Variants in HOOK2 observed in about 807,000 individuals in gnomAD.
The protein encoded by HOOK2 is protein Hook homolog 2.
Under a neutral mutation model 111.9 loss-of-function variants are expected in HOOK2, and 108 were observed. The ratio of observed to expected loss-of-function variants is 0.96; its 90% CI spans 0.83 to 1.13. The LOEUF (loss-of-function observed/expected upper bound fraction) is 1.13. Among genes scored for constraint, HOOK2 ranks in the 50% most tolerant of loss-of-function variants. HOOK2 has a pLI of 0.00. For missense variants in HOOK2, 978 were observed against 951.3 expected (o/e 1.03, Z -0.37); for synonymous variants, 405 against 394.3 (o/e 1.03, Z -0.32).
At chr19:12,789,864 G>A (rs2145802998) in intron 3 of HOOK2, among the ~76,000 whole-genome samples, 1 of 152,124 alleles carries the variant, frequency 6.6e-6, no homozygotes, top group African/African-American at 2.4e-5. Context: ...GGGCCCAGGC[G>A]CGCCCTGGGA....
intron 3 of HOOK2, among the ~76,000 whole-genome samples, chr19:12,787,641 A>T (rs1166811302): frequency 6.6e-6 from 1 of 151,844 alleles, no homozygotes; most frequent in Non-Finnish European, 1.5e-5. Context: ...CAAAAAAACA[A>T]AACAAAACAA....
chr19:12,764,625 G>A lies in HOOK2; in HGVS notation c.1827+189C>T, dbSNP rs981050977. The A allele has an allele frequency of 2.9e-5, 18 of 618,268 alleles. No individual in the cohort carries two copies. The East Asian group carries it at 5.0e-4, about 17-fold the overall frequency. 38.3% of individuals were successfully genotyped at this position (618,268 alleles called of 1,614,324 possible). ...TTACAGCCATGAGCCACGGCACCCAGCCAGCTGTGCAGTATTTTAATGTGA... is the reference window on the plus strand; with the variant it reads ...TTACAGCCATGAGCCACGGCACCCAACCAGCTGTGCAGTATTTTAATGTGA... On this transcript the variant is annotated intron_variant, in intron 20 of 22. Coordinates refer to ENST00000397668, the MANE Select transcript of HOOK2 (RefSeq NM_013312.3).
rs1015077691 is a variant in HOOK2 at position 12,786,069 on chromosome 19, G to C, written n.42-11844C>G. Among the ~76,000 whole-genome samples the C allele has an allele frequency of 6.6e-6, 1 of 152,168 alleles. No individual in the cohort carries two copies. The highest frequency in any genetic ancestry group is 2.4e-5 in the African/African-American group (1 of 41,442). ...CAGCCTGGAGAGAGAGAAAGAGAGA[G>C]ACTCTCCTTCCTGCTTCCAAGAAAA... is the stretch of plus-strand genomic sequence containing the variant. On this transcript the variant is annotated intron_variant and non_coding_transcript_variant, in intron 3 of 3. Transcript: ENST00000589765. This position sits in a 1 kb window ranked among gnomAD's most constrained non-coding sequence, Gnocchi z 4.3.
At chr19:12,787,656 T>TA (rs1249029300) in intron 3 of HOOK2, among the ~76,000 whole-genome samples, 10 of 146,190 alleles carry the variant, frequency 6.8e-5, no homozygotes, top group African/African-American at 1.5e-4. Context: ...AAACAAACAA[T>TA]AAAAAAAAAC....
intron 3 of HOOK2, chr19:12,792,308 T>A: frequency 6.6e-7 from 1 of 1,504,768 alleles, no homozygotes; most frequent in Non-Finnish European, 8.9e-7. Context: ...CGGAGCCACC[T>A]CCCGTTTACA....
In HOOK2 at chr19:12,791,474, G is replaced by T. The variant is rs1361903835; in HGVS notation, n.42-17249C>A. 1 of 344,114 alleles carries T rather than the reference G, an allele frequency of 2.9e-6. No individual in the cohort carries two copies. Among genetic ancestry groups the T allele is most frequent in the Non-Finnish European group, 5.3e-6 (1 of 188,780 alleles). 21.3% of individuals were successfully genotyped at this position (344,114 alleles called of 1,614,324 possible). ...GCGCGGTATAAAGGCGTGTGGCTCAGGCTGAGCGGCTGGGACCTTGAGAGC... is the reference window on the plus strand; with the variant it reads ...GCGCGGTATAAAGGCGTGTGGCTCATGCTGAGCGGCTGGGACCTTGAGAGC... On this transcript the variant is annotated intron_variant and non_coding_transcript_variant, in intron 3 of 3. Coordinates refer to the HOOK2 transcript ENST00000589765. The surrounding 1 kb of genome is among the most constrained non-coding windows in gnomAD (Gnocchi z 7.0).
intron 5 of HOOK2, 42 bp downstream of exon 5, chr19:12,772,738 T>C: frequency 6.2e-7 from 1 of 1,613,406 alleles, no homozygotes. Flanking sequence ...GGAAGGAGGA[T>C]TTCCTCAGGC....
rs781132284 is a variant in HOOK2, at chr19:12,767,403, C to T, written c.1365G>A (p.Ala455=). 3.7e-6 allele frequency: 6 copies of T among 1,613,944 alleles called. No homozygotes were observed. The highest frequency in any genetic ancestry group is 3.3e-5 in the South Asian group (3 of 91,082). The change falls in exon 14 of 23, where the codon GCG becomes GCA. Residue 455 remains alanine, a synonymous_variant. Transcript: ENST00000397668. ...VDNLAAEILP[A]ELRETLLRLQ... is the part of the protein sequence containing the mutation. The stretch of plus-strand genomic sequence containing the variant: ...GAGTGACCCCAGGATACCTGAGCTC[C>T]GCAGGCAGGATCTCTGCGGCTAAGT...
At chr19:12,777,045 T>A (rs1198526639), upstream of HOOK2, among the ~76,000 whole-genome samples, 1 of 150,522 alleles carries the variant, frequency 6.6e-6, no homozygotes, top group Non-Finnish European at 1.5e-5. Flanking sequence ...TAGTCCCAGC[T>A]ACTCGGGAGG....
chr19:12,769,661 G>A (rs932807103), intron 11 of HOOK2, among the ~76,000 whole-genome samples: 5 of 152,220 alleles, frequency 3.3e-5, no homozygotes, highest in African/African-American at 1.2e-4. Flanking sequence ...ATGGTGAAGC[G>A]GCGGGCATCA....
At chr19:12,787,565 G>A (rs1355464259) in intron 3 of HOOK2, among the ~76,000 whole-genome samples, 2 of 151,924 alleles carry the variant, frequency 1.3e-5, no homozygotes, top group East Asian at 3.9e-4. Context: ...CTGGGAGGTG[G>A]AGGTTGTAGT....
At chr19:12,768,268 TG>T in intron 11 of HOOK2, 145 bp from the exon 12 acceptor site, 1 of 676,320 alleles carries the variant, frequency 1.5e-6, no homozygotes, top group Non-Finnish European at 2.4e-6. Flanking sequence ...TGTTTTTGCT[TG>T]TTTTTTTTAG....
chr19:12,768,211 T>A (rs1258545465), intron 11 of HOOK2, 88 bp from the exon 12 acceptor site: 13 of 1,076,286 alleles, frequency 1.2e-5, no homozygotes, highest in Non-Finnish European at 1.8e-5. Context: ...CCAGGATGCT[T>A]TGACTTATTA....
intron 7 of HOOK2, 64 bp from the exon 8 acceptor site, chr19:12,771,541 A>T: frequency 1.4e-6 from 2 of 1,388,742 alleles, no homozygotes; most frequent in Non-Finnish European, 1.0e-6. Context: ...AGGGAGGCTG[A>T]GATCTCTAGA....
In HOOK2 at chr19:12,791,580, G is replaced by A. The variant is rs1968715311; in HGVS notation, n.42-17355C>T. On this transcript the variant is annotated intron_variant and non_coding_transcript_variant, in intron 3 of 3. Coordinates refer to the HOOK2 transcript ENST00000589765. The surrounding 1 kb of genome is among the most constrained non-coding windows in gnomAD (Gnocchi z 7.0). ...GGAAAGCTATCGCGCCAGAGAGGGC[G>A]ACGGGGGCTCGGGAAGCCTGACAGG... 4.1e-5 allele frequency: 21 copies of A among 514,938 alleles called. No individual in the cohort carries two copies. The East Asian group carries it at 6.9e-4, about 17-fold the overall frequency. 31.9% of individuals were successfully genotyped at this position (514,938 alleles called of 1,614,324 possible).
rs10414267 is a variant in HOOK2, at chr19:12,786,114, G to A, written n.42-11889C>T. Among the ~76,000 whole-genome samples, 4,591 of 152,308 alleles carry A rather than the reference G, an allele frequency of 0.03. 217 individuals are homozygous for A. The highest frequency in any genetic ancestry group is 0.1 in the African/African-American group (4,313 of 41,550). On this transcript the variant is annotated intron_variant and non_coding_transcript_variant, in intron 3 of 3. Transcript: ENST00000589765. The surrounding 1 kb of genome is among the most constrained non-coding windows in gnomAD (Gnocchi z 4.3). ...AGAAAACCTAGCAGCTTCCTCTCCA[G>A]GAGAGGGGGCAAAGGACCCCCAAAC... is the stretch of plus-strand genomic sequence containing the variant.
rs765507755 is a variant in HOOK2, at chr19:12,766,227, G to A, written c.1387C>T (p.Arg463Trp). Residue 463 changes from arginine to tryptophan, a missense_variant, in exon 15 of 23, where the codon CGG (arginine) becomes TGG (tryptophan). Transcript: ENST00000397668. ...LPAELRETLL[R>W]LQLENKRLCR... ...AGCCGCTTGTTCTCCAGCTGAAGCCGCAGGAGCGTCTCCCTGCAGACCCGG... is the reference window on the plus strand; with the variant it reads ...AGCCGCTTGTTCTCCAGCTGAAGCCACAGGAGCGTCTCCCTGCAGACCCGG... The A allele has an allele frequency of 2.5e-6, 4 of 1,584,172 alleles. No individual in the cohort carries two copies. The highest frequency in any genetic ancestry group is 2.3e-5 in the East Asian group (1 of 44,212).
chr19:12,775,846 G>A (rs1198936356), upstream of HOOK2, among the ~76,000 whole-genome samples: 1 of 146,550 alleles, frequency 6.8e-6, no homozygotes. Context: ...GCGCATTCAC[G>A]TCTTTTCCCT....
chr19:12,790,123 G>A lies in HOOK2; in HGVS notation n.42-15898C>T, dbSNP rs531295067. 2.6e-5 allele frequency among the ~76,000 whole-genome samples: 4 copies of A among 152,196 alleles called. No homozygotes were observed. Among genetic ancestry groups the A allele is most frequent in the Admixed American group, 6.5e-5 (1 of 15,282 alleles). ...TCCGCGGTCCCCTGCAGGCACCGCG[G>A]GCGGAACCATTGCTTGAGGGGAGAG... On this transcript the variant is annotated intron_variant and non_coding_transcript_variant, in intron 3 of 3. Coordinates refer to the HOOK2 transcript ENST00000589765. The surrounding 1 kb of genome is among the most constrained non-coding windows in gnomAD (Gnocchi z 7.2).
Sources: gnomAD v4.1 joint callset for allele counts (sites outside exome capture counted in the v4.1 genomes callset) on GRCh38, gnomAD v4.1.1 for gene constraint, Gnocchi (gnomAD v3.1) non-coding constraint, MANE v1.5 for transcripts, NCBI Gene and HGNC (gene_info 2026-07-23, HGNC 2026-07-21) for gene names.